The following PHKB variants were observed in gnomAD, a reference collection of about 807,000 sequenced individuals.
PHKB encodes the protein phosphorylase b kinase regulatory subunit beta.
PHKB carries 122 observed loss-of-function variants against 152.1 expected under a neutral mutation model. The observed-to-expected ratio is 0.80, with a 90% CI of 0.69 to 0.93. The LOEUF (loss-of-function observed/expected upper bound fraction) is 0.93, where lower values mean the gene tolerates loss of function less well. PHKB is among the 40% of genes least tolerant of loss of function. The probability of loss-of-function intolerance (pLI) is 0.00; values close to 1 mark genes in which losing one functional copy is unlikely to be tolerated. For missense variants in PHKB, 1,304 were observed against 1,328.4 expected, an observed-to-expected ratio of 0.98 and a Z score of 0.29; for synonymous variants, 436 against 464.9, an observed-to-expected ratio of 0.94 and a Z score of 0.80.
chr16:47,588,263 T>C (rs1198571252), intron 9 of PHKB, among the ~76,000 whole-genome samples: 2 of 151,416 alleles, frequency 1.3e-5, no homozygotes, highest in Non-Finnish European at 2.9e-5. Flanking sequence ...AATTTAGTTA[T>C]TCAAAACAAC....
In PHKB at chr16:47,701,367, T is replaced by C. The variant is rs185157932; in HGVS notation, c.*2001T>C. On this transcript the variant is annotated 3_prime_UTR_variant, in exon 31 of 31. Transcript: ENST00000323584. The stretch of plus-strand genomic sequence containing the variant: ...ATGTGTTTTCTGAGTGTTAGCTTCC[T>C]GCTTAAATGTTACATATGCAAAATT... The C allele has an allele frequency of 6.6e-6, 1 of 152,360 alleles. No individual in the cohort carries two copies. Among genetic ancestry groups the C allele is most frequent in the Admixed American group, 6.5e-5 (1 of 15,312 alleles). The allele number at this position is 152,360 out of a possible 1,614,324, so 9.4% of individuals were successfully genotyped here.
In PHKB at chr16:47,566,250, C is replaced by T. The variant is rs1488113136; in HGVS notation, c.711-14045C>T. On this transcript the variant is annotated intron_variant, in intron 7 of 30. Coordinates refer to ENST00000323584, the MANE Select transcript of PHKB (RefSeq NM_000293.3). The stretch of plus-strand genomic sequence containing the variant: ...ATACTTGTCTCCAAAGCTATCATCA[C>T]CTCTTCTAGGTGAGTAGTCATCAAA... 1.9e-5 allele frequency: 16 copies of T among 847,038 alleles called. No homozygotes were observed. In the East Asian group the frequency reaches 2.5e-4, roughly 13 times the overall value. The allele number at this position is 847,038 out of a possible 1,614,324, so 52.5% of individuals were successfully genotyped here.
intron 1 of PHKB, among the ~76,000 whole-genome samples, chr16:47,489,064 A>AT (rs1970100662): frequency 6.6e-6 from 1 of 151,578 alleles, no homozygotes; most frequent in African/African-American, 2.4e-5. Flanking sequence ...TTGTATTTGT[A>AT]TTTTTTTGAG....
intron 25 of PHKB, chr16:47,665,202 A>T: frequency 2.0e-6 from 1 of 489,930 alleles, no homozygotes; most frequent in Non-Finnish European, 3.7e-6. Flanking sequence ...GCTTCTGTGG[A>T]TATCCTGAAA....
chr16:47,540,138 T>A (rs1971027286), intron 6 of PHKB, among the ~76,000 whole-genome samples: 1 of 152,048 alleles, frequency 6.6e-6, no homozygotes, highest in Non-Finnish European at 1.5e-5. Flanking sequence ...TTGGGGAAGG[T>A]CTATAAACGG....
chr16:47,610,890 A>G lies in PHKB; in HGVS notation c.1428A>G (p.Gln476=), dbSNP rs373369316. ...PVQRYVPLKD[Q]RNVSMRFSNQ... ...AGCGCTATGTCCCACTAAAGGATCAACGTAACGTGAGCATGAGGTTTTCCA... is the reference window on the plus strand; with the variant it reads ...AGCGCTATGTCCCACTAAAGGATCAGCGTAACGTGAGCATGAGGTTTTCCA... Residue 476 remains glutamine, a synonymous_variant, in exon 14 of 31, where the codon CAA becomes CAG. Coordinates refer to ENST00000323584, the MANE Select transcript of PHKB (RefSeq NM_000293.3). 4 of 1,601,094 alleles carry G rather than the reference A, an allele frequency of 2.5e-6. No individual in the cohort carries two copies. Among genetic ancestry groups the G allele is most frequent in the Non-Finnish European group, 2.6e-6 (3 of 1,168,078 alleles).
In PHKB at chr16:47,485,762, G is replaced by A. The variant is rs186979777; in HGVS notation, c.77-11637G>A. Among the ~76,000 whole-genome samples, 534 of 152,202 alleles carry A rather than the reference G, an allele frequency of 3.5e-3. 2 individuals carry two copies. The highest frequency in any genetic ancestry group is 3.8e-3 in the Non-Finnish European group (261 of 68,008). On this transcript the variant is annotated intron_variant, in intron 1 of 30. Transcript: ENST00000323584. ...AGCCTCCTAAGTAGCTAGGACTACA[G>A]GCGTGTACCAGCACACCTGGCTGAT...
At chr16:47,652,070 T>C (rs1416385184) in intron 20 of PHKB, among the ~76,000 whole-genome samples, 1 of 152,112 alleles carries the variant, frequency 6.6e-6, no homozygotes, top group East Asian at 1.9e-4. Context: ...CTCTGTATTA[T>C]CTCTTTCGGG....
intron 7 of PHKB, among the ~76,000 whole-genome samples, chr16:47,561,028 T>C (rs1393790026): frequency 6.6e-6 from 1 of 152,226 alleles, no homozygotes; most frequent in African/African-American, 2.4e-5. Flanking sequence ...ACATGATCCA[T>C]GGTGGTTGTC....
At chr16:47,558,186 A>G (rs1971412088) in intron 7 of PHKB, among the ~76,000 whole-genome samples, 2 of 145,446 alleles carry the variant, frequency 1.4e-5, no homozygotes, top group African/African-American at 5.1e-5. Context: ...TTGAACAATG[A>G]GAACACATGG....
intron 4 of PHKB, among the ~76,000 whole-genome samples, chr16:47,510,546 A>T (rs1481579463): frequency 1.3e-5 from 2 of 152,202 alleles, no homozygotes; most frequent in Admixed American, 1.3e-4. Context: ...CTAGGAAGGT[A>T]GACCAAATGT....
At chr16:47,678,699 A>C (rs903540366) in intron 26 of PHKB, among the ~76,000 whole-genome samples, 15 of 151,266 alleles carry the variant, frequency 9.9e-5, no homozygotes, top group African/African-American at 2.7e-4. Flanking sequence ...GGTTGCAAAA[A>C]TTTTCTCCCA....
chr16:47,697,984 G>A (rs1974179449), intron 29 of PHKB, among the ~76,000 whole-genome samples: 1 of 152,144 alleles, frequency 6.6e-6, no homozygotes, highest in Middle Eastern at 3.4e-3. Context: ...TTGGGTCCTG[G>A]GCTCCAGGTC....
chr16:47,580,453 G>A (rs895395460), intron 8 of PHKB, 95 bp downstream of exon 8: 31 of 894,088 alleles, frequency 3.5e-5, no homozygotes, highest in Admixed American at 1.8e-5. Context: ...TATAATCAGA[G>A]AATGTCCAAA....
intron 7 of PHKB, among the ~76,000 whole-genome samples, chr16:47,554,046 C>T (rs377406305): frequency 2.6e-5 from 4 of 152,148 alleles, no homozygotes; most frequent in Non-Finnish European, 2.9e-5. Flanking sequence ...GCAGTCTGAC[C>T]CTTAGCAGAC....
intron 4 of PHKB, among the ~76,000 whole-genome samples, chr16:47,509,932 A>C (rs1347022599): frequency 6.6e-6 from 1 of 152,206 alleles, no homozygotes; most frequent in African/African-American, 2.4e-5. Flanking sequence ...ACCAATTGTA[A>C]GTAGTAGATC....
chr16:47,659,548 T>C (rs2151736184), intron 20 of PHKB, among the ~76,000 whole-genome samples: 1 of 152,344 alleles, frequency 6.6e-6, no homozygotes, highest in East Asian at 1.9e-4. Flanking sequence ...TTTATACTGT[T>C]CATACTGTTC....
chr16:47,493,914 C>T (rs1169248776), intron 1 of PHKB, among the ~76,000 whole-genome samples: 1 of 152,118 alleles, frequency 6.6e-6, no homozygotes, highest in Non-Finnish European at 1.5e-5. Context: ...GTCACAAATC[C>T]GAGGTCAACA....
chr16:47,560,589 A>G (rs1971458981), intron 7 of PHKB, among the ~76,000 whole-genome samples: 1 of 152,222 alleles, frequency 6.6e-6, no homozygotes, highest in Non-Finnish European at 1.5e-5. Flanking sequence ...AAACAGAATT[A>G]AGAGTACAGA....
Sources: gnomAD v4.1 joint callset for allele counts (sites outside exome capture counted in the v4.1 genomes callset) on GRCh38, gnomAD v4.1.1 for gene constraint, MANE v1.5 for transcripts, NCBI Gene and HGNC (gene_info 2026-07-23, HGNC 2026-07-21) for gene names.